CANX: variants seen among roughly 807,000 people sequenced by gnomAD.
CANX encodes calnexin.
A neutral mutation model predicts 75.7 loss-of-function variants in CANX; 14 were observed. The observed-to-expected ratio is 0.19, with a 90% CI of 0.12 to 0.29. The LOEUF (loss-of-function observed/expected upper bound fraction) is 0.29. CANX is among the 10% of genes least tolerant of loss of function. CANX has a pLI of 1.00. For missense variants in CANX, 567 were observed against 713.2 expected (o/e 0.79, Z 2.34); for synonymous variants, 227 against 236.9 (o/e 0.96, Z 0.38).
At chr5:179,715,822 TTG>T (rs1777908676) in intron 7 of CANX, 14 of 442,518 alleles carry the variant, frequency 3.2e-5, no homozygotes, top group African/African-American at 2.2e-4. Context: ...CTTGTTTTTT[TTG>T]TTTTTTTTTT....
At chr5:179,725,057 C>T (rs113613950) in intron 13 of CANX, among the ~76,000 whole-genome samples, 1 of 152,122 alleles carries the variant, frequency 6.6e-6, no homozygotes, top group Admixed American at 6.6e-5. Context: ...AGGTCCCACT[C>T]TGTCACTCAG....
chr5:179,716,311 TGTCTTCAA>T lies in CANX; in HGVS notation c.911+20_911+27del, dbSNP rs1777949789. On this transcript the variant is annotated intron_variant, in intron 8 of 14. Transcript: ENST00000247461. ...AGATGACTGGTGAGTCTTGGGGAAC[TGTCTTCAA>T]GTGTAAGGGAGCATTTCATATATTC... is the stretch of plus-strand genomic sequence containing the variant. 6.3e-7 allele frequency: 1 copy of T among 1,590,452 alleles called. No homozygotes were observed. Among genetic ancestry groups the T allele is most frequent in the South Asian group, 1.1e-5 (1 of 89,818 alleles).
At chr5:179,680,365 T>C (rs1776031832) in intron 1 of CANX, among the ~76,000 whole-genome samples, 1 of 152,138 alleles carries the variant, frequency 6.6e-6, no homozygotes, top group Non-Finnish European at 1.5e-5. Context: ...CCCTCATCAT[T>C]CAGTCATTTG....
At chr5:179,707,475 T>C (rs1314500936) in intron 4 of CANX, among the ~76,000 whole-genome samples, 1 of 148,322 alleles carries the variant, frequency 6.7e-6, no homozygotes, top group Admixed American at 7.0e-5. Context: ...TCCCAGCTGC[T>C]GGGGAGGCTG....
intron 13 of CANX, among the ~76,000 whole-genome samples, chr5:179,725,211 A>G (rs1445339219): frequency 6.7e-6 from 1 of 149,414 alleles, no homozygotes; most frequent in African/African-American, 2.6e-5. Flanking sequence ...TTGTTTGTTT[A>G]TTGATTTATT....
intron 1 of CANX, among the ~76,000 whole-genome samples, chr5:179,701,454 C>T (rs1456623104): frequency 6.6e-6 from 1 of 151,606 alleles, no homozygotes; most frequent in Non-Finnish European, 1.5e-5. Context: ...AAATTAACCT[C>T]CAGCTACTCG....
At chr5:179,712,428 T>C (rs1257756207) in intron 7 of CANX, among the ~76,000 whole-genome samples, 1 of 151,974 alleles carries the variant, frequency 6.6e-6, no homozygotes, top group Non-Finnish European at 1.5e-5. Context: ...ATAACCTTTT[T>C]TTTTTTTGAG....
At chr5:179,708,106 G>T in intron 4 of CANX, 133 bp from the exon 5 acceptor site, 2 of 665,216 alleles carry the variant, frequency 3.0e-6, no homozygotes, top group Admixed American at 5.0e-5. Flanking sequence ...CCTAAGTGCT[G>T]GGATTATAGG....
In CANX at chr5:179,731,361, T is replaced by C. The variant is rs1038534006; in HGVS notation, c.*2717T>C. Among the ~76,000 whole-genome samples, 3 of 152,244 alleles carry C rather than the reference T, an allele frequency of 2.0e-5. No homozygotes were observed. The highest frequency in any genetic ancestry group is 7.2e-5 in the African/African-American group (3 of 41,462). On this transcript the variant is annotated 3_prime_UTR_variant, in exon 15 of 15. Coordinates refer to ENST00000247461, the MANE Select transcript of CANX (RefSeq NM_001746.4). ...AGTTAGCCCAGTTTTTTATGTGCTA[T>C]TAAATTTTTAGATTACATACTAAAG...
intron 11 of CANX, chr5:179,723,360 A>G (rs1298084977): frequency 2.4e-6 from 1 of 421,982 alleles, no homozygotes; most frequent in Non-Finnish European, 4.2e-6. Context: ...TGGCCGATTT[A>G]AGAATTGGAG....
intron 1 of CANX, among the ~76,000 whole-genome samples, chr5:179,681,690 G>A (rs961222664): frequency 6.6e-6 from 1 of 152,132 alleles, no homozygotes; most frequent in Non-Finnish European, 1.5e-5. Flanking sequence ...CCAGTGATAG[G>A]GATCTCAGTA....
At chr5:179,721,203 G>T (rs186037078) in intron 10 of CANX, among the ~76,000 whole-genome samples, 2 of 151,942 alleles carry the variant, frequency 1.3e-5, no homozygotes, top group African/African-American at 4.8e-5. Flanking sequence ...TCAGCCTCCC[G>T]AGTAGCTGGG....
At chr5:179,726,030 T>C (rs1217633510) in intron 13 of CANX, among the ~76,000 whole-genome samples, 1 of 150,922 alleles carries the variant, frequency 6.6e-6, no homozygotes, top group African/African-American at 2.4e-5. Flanking sequence ...GGCTCACGCC[T>C]ATAATCCCAG....
At chr5:179,715,025 A>T (rs931090248) in intron 7 of CANX, among the ~76,000 whole-genome samples, 1 of 152,204 alleles carries the variant, frequency 6.6e-6, no homozygotes. Context: ...TTAGCCTCCC[A>T]AAGTGCTGGG....
chr5:179,678,998 T>TA (rs751468879), intron 1 of CANX: 1 of 1,535,726 alleles, frequency 6.5e-7, no homozygotes, highest in South Asian at 1.2e-5. Flanking sequence ...GTCCAGCAGG[T>TA]AGAAGGTGGA....
intron 1 of CANX, among the ~76,000 whole-genome samples, chr5:179,702,356 A>G (rs1047375669): frequency 3.3e-5 from 5 of 151,936 alleles, no homozygotes; most frequent in African/African-American, 1.2e-4. Context: ...CAACCAGGAG[A>G]CCAGAAATTA....
intron 1 of CANX, among the ~76,000 whole-genome samples, chr5:179,703,510 G>A (rs987388373): frequency 6.6e-6 from 1 of 152,014 alleles, no homozygotes; most frequent in Non-Finnish European, 1.5e-5. Flanking sequence ...CCTGCCCAAC[G>A]ACTCACTTAG....
At chr5:179,702,378 C>T (rs1002624260) in intron 1 of CANX, among the ~76,000 whole-genome samples, 1 of 152,046 alleles carries the variant, frequency 6.6e-6, no homozygotes, top group Non-Finnish European at 1.5e-5. Context: ...GCTCAGCTTT[C>T]TTTCTCTCCC....
rs1581860511 is a variant in CANX at position 179,709,946 on chromosome 5, A to G, written c.602A>G (p.His201Arg). 1 of 1,613,184 alleles carries G rather than the reference A, an allele frequency of 6.2e-7. No individual in the cohort carries two copies. The highest frequency in any genetic ancestry group is 8.5e-7 in the Non-Finnish European group (1 of 1,179,200). The change falls in exon 7 of 15, where the codon CAC becomes CGC. Residue 201 changes from histidine to arginine, a missense_variant. By Grantham distance (29) the His-to-Arg change is conservative. Coordinates refer to ENST00000247461, the MANE Select transcript of CANX (RefSeq NM_001746.4). ...PDKCGEDYKLHFIFRHKNPKT... is the reference protein window; with the variant it reads ...PDKCGEDYKLRFIFRHKNPKT... ...AAATGTGGAGAGGACTATAAACTGCACTTCATCTTCCGACACAAAAACCCC... is the reference window on the plus strand; with the variant it reads ...AAATGTGGAGAGGACTATAAACTGCGCTTCATCTTCCGACACAAAAACCCC...
Sources: allele counts gnomAD v4.1 joint callset (sites outside exome capture counted in the v4.1 genomes callset), GRCh38; gene constraint gnomAD v4.1.1; transcripts MANE v1.5; gene names NCBI Gene and HGNC (gene_info 2026-07-23, HGNC 2026-07-21).